The following PTPRG variants were observed in gnomAD, a reference collection of about 807,000 sequenced individuals.
PTPRG encodes receptor-type tyrosine-protein phosphatase gamma.
A neutral mutation model predicts 165.3 loss-of-function variants in PTPRG; 102 were observed. That is an observed-to-expected ratio of 0.62 (90% CI 0.53 to 0.73). PTPRG has a LOEUF of 0.73. Among genes scored for constraint, PTPRG ranks in the 30% least tolerant of loss-of-function variants. PTPRG has a pLI of 0.00. For missense variants in PTPRG, 1,866 were observed against 1,861.4 expected (o/e 1.00, Z -0.05); for synonymous variants, 675 against 669.5 (o/e 1.01, Z -0.13).
At chr3:61,792,209 G>T (rs1400063599) in intron 2 of PTPRG, among the ~76,000 whole-genome samples, 1 of 151,514 alleles carries the variant, frequency 6.6e-6, no homozygotes, top group East Asian at 1.9e-4. Flanking sequence ...CGGGGAGTTG[G>T]GGGTGGGGGA....
At chr3:61,680,514 A>C (rs865873762) in intron 1 of PTPRG, among the ~76,000 whole-genome samples, 2,657 of 146,564 alleles carry the variant, frequency 0.018, 117 homozygotes, top group African/African-American at 0.062. Flanking sequence ...AAAAAAAAAA[A>C]AAAACACAAA....
At chr3:62,049,297 C>A (rs747403758) in intron 4 of PTPRG, among the ~76,000 whole-genome samples, 6 of 152,090 alleles carry the variant, frequency 3.9e-5, no homozygotes, top group Admixed American at 6.5e-5. Context: ...ACTGGTAAAA[C>A]GGGTTTTAGT....
intron 2 of PTPRG, among the ~76,000 whole-genome samples, chr3:61,897,222 T>A (rs916672940): frequency 1.3e-5 from 2 of 152,170 alleles, no homozygotes; most frequent in Non-Finnish European, 2.9e-5. Flanking sequence ...TTTTATAGTT[T>A]TACAATTGAA....
At chr3:61,658,512 T>C (rs899838907) in intron 1 of PTPRG, among the ~76,000 whole-genome samples, 7 of 152,354 alleles carry the variant, frequency 4.6e-5, no homozygotes, top group African/African-American at 1.7e-4. Context: ...ATCTTGAAAA[T>C]AGGGATCTAA....
At position 62,271,404 on chromosome 3, in the gene PTPRG, G is replaced by A; in HGVS notation, c.3031G>A (p.Gly1011Ser). The part of the protein sequence containing the change: ...VKKGQKGNPK[G>S]RQNERVVIQY... ...ACAGGGTCAGAAGGGAAATCCCAAGGGTCGTCAGAATGAAAGGGTAGTGAT... is the reference window on the plus strand; with the variant it reads ...ACAGGGTCAGAAGGGAAATCCCAAGAGTCGTCAGAATGAAAGGGTAGTGAT... The change falls in exon 21 of 30, where the codon GGT becomes AGT. Residue 1011 changes from glycine (G) to serine (S), a missense_variant. This residue lies in a region of PTPRG where 1,452 missense variants were observed against 1,463.0 expected (regional missense o/e 0.99). Coordinates refer to ENST00000474889, the MANE Select transcript of PTPRG (RefSeq NM_002841.4). This position sits in a 1 kb window ranked among gnomAD's most constrained non-coding sequence, Gnocchi z 4.1. The A allele has an allele frequency of 6.2e-7, 1 of 1,608,216 alleles. No individual in the cohort carries two copies. Among genetic ancestry groups the A allele is most frequent in the Non-Finnish European group, 8.5e-7 (1 of 1,177,552 alleles).
Position 62,125,951 on chromosome 3 carries a change from T to C in PTPRG, c.616-6651T>C, listed in dbSNP as rs570381798. ...AAAGACAGAAGGACAAAAATCACCA[T>C]GCGGGCCCCCACGGGAGTACCATTT... is the stretch of plus-strand genomic sequence containing the variant. On this transcript the variant is annotated intron_variant, in intron 5 of 29. Transcript: ENST00000474889. 4.1e-3 allele frequency among the ~76,000 whole-genome samples: 620 copies of C among 152,222 alleles called. 5 individuals carry two copies. Among genetic ancestry groups the C allele is most frequent in the African/African-American group, 0.014 (596 of 41,548 alleles).
intron 2 of PTPRG, among the ~76,000 whole-genome samples, chr3:61,784,477 A>G (rs902589522): frequency 2.0e-5 from 3 of 152,178 alleles, no homozygotes; most frequent in Non-Finnish European, 4.4e-5. Context: ...AATGAATCAT[A>G]GAGTTTATTC....
intron 1 of PTPRG, among the ~76,000 whole-genome samples, chr3:61,696,481 G>A (rs1370838049): frequency 2.0e-5 from 3 of 152,158 alleles, no homozygotes; most frequent in Admixed American, 6.5e-5. Flanking sequence ...CATCCTGGGC[G>A]ACAAGAGTGG....
At chr3:62,011,917 C>G (rs1045068186) in intron 4 of PTPRG, among the ~76,000 whole-genome samples, 3 of 152,168 alleles carry the variant, frequency 2.0e-5, no homozygotes, top group African/African-American at 7.2e-5. Context: ...CTGTTTGAAT[C>G]ATACCAAAAA....
intron 1 of PTPRG, among the ~76,000 whole-genome samples, chr3:61,648,961 C>G (rs1231912680): frequency 6.6e-6 from 1 of 152,076 alleles, no homozygotes; most frequent in Non-Finnish European, 1.5e-5. Context: ...AGTGAAGAAG[C>G]AAATAGACGT....
chr3:62,223,821 G>A (rs1227930104), intron 13 of PTPRG, among the ~76,000 whole-genome samples: 1 of 152,128 alleles, frequency 6.6e-6, no homozygotes, highest in Non-Finnish European at 1.5e-5. Context: ...AATGAATTTT[G>A]TCCTTTAAAT....
chr3:62,074,180 A>C (rs57302952), intron 4 of PTPRG, among the ~76,000 whole-genome samples: 3 of 143,598 alleles, frequency 2.1e-5, no homozygotes, highest in African/African-American at 7.9e-5. Flanking sequence ...AAAAAGTGAG[A>C]GTGTGTGTGT....
rs77037967 is a variant in PTPRG at position 61,890,573 on chromosome 3, T to A, written c.191-99052T>A. Among the ~76,000 whole-genome samples the A allele has an allele frequency of 5.6e-3, 851 of 152,264 alleles. 8 individuals carry two copies. The highest frequency in any genetic ancestry group is 0.019 in the African/African-American group (793 of 41,542). On this transcript the variant is annotated intron_variant, in intron 2 of 29. Coordinates refer to ENST00000474889, the MANE Select transcript of PTPRG (RefSeq NM_002841.4). The stretch of plus-strand genomic sequence containing the variant: ...GAAGCAGCTATTTTTATAATAATGT[T>A]AATATTTTAACAGGTATTTTACTAC...
chr3:61,844,571 G>T (rs2107343247), intron 2 of PTPRG, among the ~76,000 whole-genome samples: 1 of 152,062 alleles, frequency 6.6e-6, no homozygotes, highest in Non-Finnish European at 1.5e-5. Flanking sequence ...ACAGTCATGT[G>T]ATCATAGCTT....
chr3:61,593,564 G>T (rs1158575647), intron 1 of PTPRG, among the ~76,000 whole-genome samples: 3 of 152,024 alleles, frequency 2.0e-5, no homozygotes, highest in Admixed American at 2.0e-4. Context: ...AATGAACTGG[G>T]TTTCAAAAAT....
chr3:61,808,400 C>T (rs2035477457), intron 2 of PTPRG, among the ~76,000 whole-genome samples: 1 of 152,072 alleles, frequency 6.6e-6, no homozygotes, highest in African/African-American at 2.4e-5. Context: ...ACCCCTATTC[C>T]TTAACTGTGA....
chr3:62,074,075 G>A (rs1435000213), intron 4 of PTPRG, among the ~76,000 whole-genome samples: 1 of 152,062 alleles, frequency 6.6e-6, no homozygotes, highest in Non-Finnish European at 1.5e-5. Flanking sequence ...CTGTGATTAT[G>A]TAAGAGAATG....
chr3:62,112,068 C>A (rs911067580), intron 5 of PTPRG, among the ~76,000 whole-genome samples: 1 of 151,958 alleles, frequency 6.6e-6, no homozygotes, highest in Non-Finnish European at 1.5e-5. Context: ...CACCATGGCC[C>A]CAGGTTGAAG....
At chr3:62,073,576 T>G (rs562247858) in intron 4 of PTPRG, among the ~76,000 whole-genome samples, 7 of 152,058 alleles carry the variant, frequency 4.6e-5, no homozygotes, top group Non-Finnish European at 1.0e-4. Flanking sequence ...TCTCCCAGGT[T>G]CAAGTGATTC....
Sources: allele counts gnomAD v4.1 joint callset (sites outside exome capture counted in the v4.1 genomes callset), GRCh38; gene constraint gnomAD v4.1.1; regional missense constraint gnomAD v4.1.1; non-coding constraint Gnocchi (gnomAD v3.1); transcripts MANE v1.5; gene names NCBI Gene and HGNC (gene_info 2026-07-23, HGNC 2026-07-21).